The following NRG1 variants were observed in gnomAD, a reference collection of about 807,000 sequenced individuals.
The protein encoded by NRG1 is neuregulin 1.
A neutral mutation model predicts 63.8 loss-of-function variants in NRG1; 18 were observed. The ratio of observed to expected loss-of-function variants is 0.28; its 90% CI spans 0.19 to 0.42. NRG1 has a LOEUF of 0.42. Among genes scored for constraint, NRG1 ranks in the 10% least tolerant of loss-of-function variants. The probability of loss-of-function intolerance (pLI) is 1.00; values close to 1 mark genes in which losing one functional copy is unlikely to be tolerated. For synonymous variants in NRG1, 302 were observed against 301.3 expected, an observed-to-expected ratio of 1.00 and a Z score of -0.02; for missense variants, 762 against 814.7, an observed-to-expected ratio of 0.94 and a Z score of 0.79.
chr8:32,320,692 A>T (rs1801283251), intron 1 of NRG1, among the ~76,000 whole-genome samples: 1 of 152,136 alleles, frequency 6.6e-6, no homozygotes, highest in Admixed American at 6.6e-5. Flanking sequence ...AACACTGGGG[A>T]TTACAATTCG....
At chr8:32,710,348 A>G (rs1162355714) in intron 5 of NRG1, among the ~76,000 whole-genome samples, 3 of 152,174 alleles carry the variant, frequency 2.0e-5, no homozygotes, top group Non-Finnish European at 4.4e-5. Context: ...GTGTACAATC[A>G]GCTTTTAAAG....
chr8:32,279,681 A>G (rs925300795), intron 1 of NRG1, among the ~76,000 whole-genome samples: 3 of 152,222 alleles, frequency 2.0e-5, no homozygotes, highest in African/African-American at 4.8e-5. Flanking sequence ...GACTTGCCCA[A>G]TATCACAATG....
At chr8:32,124,156 A>G (rs1000214746) in intron 1 of NRG1, among the ~76,000 whole-genome samples, 1 of 151,946 alleles carries the variant, frequency 6.6e-6, no homozygotes, top group East Asian at 1.9e-4. Context: ...GGAACCTGCT[A>G]ATACTTTAAC....
At chr8:32,453,401 T>C (rs1327911609) in intron 1 of NRG1, among the ~76,000 whole-genome samples, 1 of 152,210 alleles carries the variant, frequency 6.6e-6, no homozygotes, top group Non-Finnish European at 1.5e-5. Flanking sequence ...ATTCTCATCA[T>C]AAACAAGCAG....
At chr8:31,896,553 G>A (rs567630391) in intron 1 of NRG1, among the ~76,000 whole-genome samples, 2 of 152,236 alleles carry the variant, frequency 1.3e-5, no homozygotes, top group African/African-American at 4.8e-5. Flanking sequence ...TGTTTCAGTG[G>A]TTGTCTGGAG....
chr8:32,480,540 G>C (rs531192087), intron 1 of NRG1, among the ~76,000 whole-genome samples: 1 of 152,022 alleles, frequency 6.6e-6, no homozygotes, highest in South Asian at 2.1e-4. Flanking sequence ...TAATTAGCTT[G>C]ATTTAACCTT....
chr8:31,758,071 T>A (rs1318087579), intron 1 of NRG1, among the ~76,000 whole-genome samples: 2 of 151,986 alleles, frequency 1.3e-5, no homozygotes, highest in Non-Finnish European at 2.9e-5. Flanking sequence ...TTTATTTATT[T>A]ATTACACCTT....
Position 32,001,744 on chromosome 8 carries a change from A to G in NRG1, c.37+362313A>G, listed in dbSNP as rs77218753. On this transcript the variant is annotated intron_variant, in intron 1 of 10. Transcript: ENST00000519301. The stretch of plus-strand genomic sequence containing the variant: ...CTAGCAGGGATACTGATGTTTTCCT[A>G]AGTACCAGACTGGCGTTCTAGGTTT... Among the ~76,000 whole-genome samples, 670 of 152,066 alleles carry G rather than the reference A, an allele frequency of 4.4e-3. 7 individuals carry two copies. Among genetic ancestry groups the G allele is most frequent in the African/African-American group, 0.015 (627 of 41,522 alleles).
chr8:32,568,190 C>T (rs918691413), intron 1 of NRG1, among the ~76,000 whole-genome samples: 1 of 152,224 alleles, frequency 6.6e-6, no homozygotes, highest in African/African-American at 2.4e-5. Flanking sequence ...AGCTCATTCT[C>T]TCTTGACAGT....
chr8:32,452,163 A>G (rs760608408), intron 1 of NRG1, among the ~76,000 whole-genome samples: 10 of 152,166 alleles, frequency 6.6e-5, no homozygotes, highest in South Asian at 2.1e-4. Context: ...CTCAAAAATA[A>G]ACATTTAATT....
intron 1 of NRG1, among the ~76,000 whole-genome samples, chr8:32,464,690 GT>G (rs1275877938): frequency 5.3e-5 from 8 of 151,450 alleles, no homozygotes; most frequent in Non-Finnish European, 1.2e-4. Context: ...TGTTTGTTTT[GT>G]TTTTTATTAA....
chr8:32,391,238 C>T (rs952927690), intron 1 of NRG1, among the ~76,000 whole-genome samples: 2 of 152,062 alleles, frequency 1.3e-5, no homozygotes, highest in Non-Finnish European at 2.9e-5. Flanking sequence ...TCAAGTAATC[C>T]TCCCACCTCA....
chr8:31,732,415 A>G (rs4320505), intron 1 of NRG1, among the ~76,000 whole-genome samples: 76,261 of 151,806 alleles, frequency 0.5, 20,931 homozygotes, highest in Non-Finnish European at 0.62. Context: ...CCGCCCCCAC[A>G]CCCCACCATC....
At chr8:32,411,341 T>C (rs963934040) in intron 1 of NRG1, among the ~76,000 whole-genome samples, 1 of 152,126 alleles carries the variant, frequency 6.6e-6, no homozygotes, top group Admixed American at 6.6e-5. Context: ...GGACACAAAA[T>C]AGGAAGAAGT....
At chr8:32,281,241 G>A (rs138475836) in intron 1 of NRG1, among the ~76,000 whole-genome samples, 6,372 of 142,502 alleles carry the variant, frequency 0.045, 386 homozygotes, top group African/African-American at 0.14. Context: ...GCAGTGGTGC[G>A]ATCTCAGCTC....
intron 1 of NRG1, among the ~76,000 whole-genome samples, chr8:32,132,521 G>T (rs751321902): frequency 6.6e-6 from 1 of 151,976 alleles, no homozygotes; most frequent in African/African-American, 2.4e-5. Context: ...CTTGGCCCTC[G>T]ACTAAAGGGG....
chr8:31,695,815 A>G (rs933832212), intron 1 of NRG1, among the ~76,000 whole-genome samples: 2 of 152,036 alleles, frequency 1.3e-5, no homozygotes, highest in African/African-American at 2.4e-5. Context: ...CCATTAGCCA[A>G]TAAATATAAG....
intron 1 of NRG1, among the ~76,000 whole-genome samples, chr8:32,439,305 A>C (rs1016875649): frequency 6.6e-6 from 1 of 152,226 alleles, no homozygotes; most frequent in East Asian, 1.9e-4. Context: ...ATGAGGATAC[A>C]AAACTCATAA....
chr8:32,713,905 A>T (rs913705624), intron 5 of NRG1, among the ~76,000 whole-genome samples: 1 of 151,628 alleles, frequency 6.6e-6, no homozygotes, highest in Non-Finnish European at 1.5e-5. Context: ...GCTCACTGCA[A>T]CTTCTGCTTC....
Sources: gnomAD v4.1 joint callset for allele counts (sites outside exome capture counted in the v4.1 genomes callset) on GRCh38, gnomAD v4.1.1 for gene constraint, MANE v1.5 for transcripts, NCBI Gene and HGNC (gene_info 2026-07-23, HGNC 2026-07-21) for gene names.